Variants in TENM3 observed in about 807,000 individuals in gnomAD.
The protein encoded by TENM3 is teneurin-3.
In TENM3, 63 loss-of-function variants were observed where a neutral mutation model predicts 255.1. The observed-to-expected ratio is 0.25, with a 90% CI of 0.20 to 0.30. TENM3 has a LOEUF of 0.30. Ranked by LOEUF, TENM3 falls within the 10% of genes least tolerant of loss-of-function variation. TENM3 has a pLI of 1.00. For missense variants in TENM3, 2,929 were observed against 3,461.1 expected, an observed-to-expected ratio of 0.85 and a Z score of 3.86; for synonymous variants, 1,306 against 1,322.3, an observed-to-expected ratio of 0.99 and a Z score of 0.27.
chr4:181,956,909 G>A, the TENM3 span, among the ~76,000 whole-genome samples: 1 of 152,200 alleles, frequency 6.6e-6, no homozygotes, highest in Admixed American at 6.5e-5. Context: ...GTCAAGTTAT[G>A]TTAGTAAGGA....
intron 3 of TENM3, among the ~76,000 whole-genome samples, chr4:182,438,345 A>T (rs1003079675): frequency 6.6e-6 from 1 of 152,240 alleles, no homozygotes. Context: ...GCTTAAAGAT[A>T]TCTGCTTGTC....
the TENM3 span, among the ~76,000 whole-genome samples, chr4:181,929,280 C>G: frequency 6.6e-6 from 1 of 151,680 alleles, no homozygotes; most frequent in Non-Finnish European, 1.5e-5. Context: ...TTCAGGAGAC[C>G]CATCTCACAT....
intron 1 of TENM3, among the ~76,000 whole-genome samples, chr4:182,275,629 TA>T (rs367852973): frequency 6.7e-6 from 1 of 149,570 alleles, no homozygotes; most frequent in Non-Finnish European, 1.5e-5. Context: ...AAGTACTCTT[TA>T]AAAAAAAAGA....
At chr4:182,623,479 TTTTG>T (rs140826051) in intron 4 of TENM3, among the ~76,000 whole-genome samples, 109,169 of 149,688 alleles carry the variant, frequency 0.73, 41,180 homozygotes, top group Non-Finnish European at 0.8. Flanking sequence ...ATTTTTTGTA[TTTTG>T]TTTGTTTGTT....
chr4:182,669,153 C>G (rs1754978341), intron 6 of TENM3, among the ~76,000 whole-genome samples: 1 of 152,112 alleles, frequency 6.6e-6, no homozygotes, highest in Non-Finnish European at 1.5e-5. Flanking sequence ...AACAGCTACT[C>G]TACTCAGTAC....
chr4:181,644,455 G>A, the TENM3 span, among the ~76,000 whole-genome samples: 1,319 of 151,804 alleles, frequency 8.7e-3, 23 homozygotes, highest in African/African-American at 0.03. Flanking sequence ...ATACTATAAG[G>A]GCATTTCACA....
chr4:182,618,855 C>G (rs1340044922), intron 4 of TENM3, among the ~76,000 whole-genome samples: 4 of 152,114 alleles, frequency 2.6e-5, no homozygotes, highest in African/African-American at 9.7e-5. Flanking sequence ...GAACACAGAA[C>G]TTCTCTGCTC....
Position 182,754,749 on chromosome 4 carries a change from G to A in TENM3, c.4382G>A (p.Ser1461Asn), listed in dbSNP as rs1762608296. The A allele has an allele frequency of 1.9e-6, 3 of 1,613,954 alleles. No individual in the cohort carries two copies. Among genetic ancestry groups the A allele is most frequent in the Middle Eastern group, 1.6e-4 (1 of 6,084 alleles). Residue 1461 changes from serine (S) to asparagine (N), a missense_variant, in exon 22 of 28, where the codon AGT becomes AAT. Around this residue, in one of 6 missense-constraint regions of TENM3, gnomAD observed 1,608 missense variants for 1,884.4 expected, o/e 0.85. Coordinates refer to ENST00000511685, the MANE Select transcript of TENM3 (RefSeq NM_001080477.4). This position sits in a 1 kb window ranked among gnomAD's most constrained non-coding sequence, Gnocchi z 5.1. ...KNDANCDCYQ[S>N]GDGYAKDAKL... ...GATGCCAACTGTGACTGTTACCAGA[G>A]TGGAGATGGCTACGCCAAGGATGCC...
intron 3 of TENM3, among the ~76,000 whole-genome samples, chr4:182,501,977 C>G (rs1257106386): frequency 5.3e-5 from 8 of 151,910 alleles, no homozygotes. Context: ...TTTTTCTGCC[C>G]CTACATTTGT....
chr4:181,926,062 C>G, the TENM3 span, among the ~76,000 whole-genome samples: 1 of 152,176 alleles, frequency 6.6e-6, no homozygotes, highest in African/African-American at 2.4e-5. Context: ...AAGAAAGACA[C>G]ATGGTGAGCC....
At chr4:182,399,521 T>C (rs553003245) in intron 3 of TENM3, among the ~76,000 whole-genome samples, 11 of 152,204 alleles carry the variant, frequency 7.2e-5, no homozygotes, top group Non-Finnish European at 7.4e-5. Flanking sequence ...TAGCTATGAG[T>C]TTTCTTGGCA....
At chr4:181,959,294 A>G in the TENM3 span, among the ~76,000 whole-genome samples, 4 of 152,100 alleles carry the variant, frequency 2.6e-5, no homozygotes, top group East Asian at 5.8e-4. Context: ...ACAGGAATCT[A>G]TGAGTATCTG....
At position 182,730,521 on chromosome 4, in the gene TENM3, A is replaced by T. The variant is rs112498641; in HGVS notation, c.2705+202A>T. 2.9e-3 allele frequency among the ~76,000 whole-genome samples: 442 copies of T among 152,334 alleles called. 1 individual carries two copies. The highest frequency in any genetic ancestry group is 0.01 in the African/African-American group (422 of 41,576). On this transcript the variant is annotated intron_variant, in intron 15 of 27. Transcript: ENST00000511685. ...CTTCAAAAGTTGATTTTATTTTCTAAGGCATGGTAATACTGTAGTTTTGTA... is the reference window on the plus strand; with the variant it reads ...CTTCAAAAGTTGATTTTATTTTCTATGGCATGGTAATACTGTAGTTTTGTA...
At position 182,680,645 on chromosome 4, in the gene TENM3, A is replaced by G; in HGVS notation, c.1742A>G (p.Gln581Arg). 1 of 1,613,216 alleles carries G rather than the reference A, an allele frequency of 6.2e-7. No individual in the cohort carries two copies. The highest frequency in any genetic ancestry group is 8.5e-7 in the Non-Finnish European group (1 of 1,179,724). ...ACCGAGTGTGATGTGCCGACTACCC[A>G]GTGTATTGACCCACAGTGTGGGGGT... is the stretch of plus-strand genomic sequence containing the variant. ...KGTECDVPTTQCIDPQCGGRG... is the reference protein window; with the variant it reads ...KGTECDVPTTRCIDPQCGGRG... Residue 581 changes from glutamine (Q) to arginine (R), a missense_variant, in exon 10 of 28, where the codon CAG becomes CGG. By Grantham distance (43) the Gln-to-Arg change is conservative. Coordinates refer to ENST00000511685, the MANE Select transcript of TENM3 (RefSeq NM_001080477.4).
intron 3 of TENM3, chr4:182,349,793 T>C: frequency 3.1e-6 from 1 of 319,248 alleles, no homozygotes; most frequent in Non-Finnish European, 6.1e-6. Flanking sequence ...TATTTTCTTT[T>C]GACTCTTCAA....
At chr4:181,650,664 C>G in the TENM3 span, among the ~76,000 whole-genome samples, 2 of 152,052 alleles carry the variant, frequency 1.3e-5, no homozygotes, top group African/African-American at 2.4e-5. Flanking sequence ...GCTTGCAAAC[C>G]CCAGATGTCA....
At chr4:181,666,926 A>G in the TENM3 span, among the ~76,000 whole-genome samples, 1 of 152,122 alleles carries the variant, frequency 6.6e-6, no homozygotes, top group African/African-American at 2.4e-5. Context: ...TGCTACAGAG[A>G]CGTTTTCATA....
At chr4:182,265,431 G>A (rs1285067631) in intron 1 of TENM3, among the ~76,000 whole-genome samples, 1 of 152,116 alleles carries the variant, frequency 6.6e-6, no homozygotes, top group Non-Finnish European at 1.5e-5. Flanking sequence ...GCTTTGGGCT[G>A]CCTTGCAATG....
the TENM3 span, among the ~76,000 whole-genome samples, chr4:182,083,412 C>G: frequency 6.6e-6 from 1 of 152,128 alleles, no homozygotes; most frequent in African/African-American, 2.4e-5. Context: ...ATTGAAAAAT[C>G]AAACAGGAAC....
Sources: allele counts gnomAD v4.1 joint callset (sites outside exome capture counted in the v4.1 genomes callset), GRCh38; gene constraint gnomAD v4.1.1; regional missense constraint gnomAD v4.1.1; non-coding constraint Gnocchi (gnomAD v3.1); transcripts MANE v1.5; gene names NCBI Gene and HGNC (gene_info 2026-07-23, HGNC 2026-07-21).